Variants in LSAMP observed in about 807,000 individuals in gnomAD.
LSAMP encodes limbic system-associated membrane protein.
LSAMP carries 7 observed loss-of-function variants against 38.6 expected under a neutral mutation model. That is an observed-to-expected ratio of 0.18 (90% CI 0.10 to 0.34). The LOEUF (loss-of-function observed/expected upper bound fraction) is 0.34. LSAMP is among the 10% of genes least tolerant of loss of function. The pLI is 1.00. For missense variants in LSAMP, 313 were observed against 420.0 expected (o/e 0.75, Z 2.23); for synonymous variants, 154 against 166.8 (o/e 0.92, Z 0.59).
intron 2 of LSAMP, among the ~76,000 whole-genome samples, chr3:116,022,191 G>GT (rs1940657858): frequency 1.3e-5 from 2 of 149,704 alleles, no homozygotes; most frequent in South Asian, 2.1e-4. Context: ...ATGATGCAGT[G>GT]TTTTTTGCTT....
At chr3:116,304,475 A>G (rs2047456043) in intron 1 of LSAMP, among the ~76,000 whole-genome samples, 1 of 152,166 alleles carries the variant, frequency 6.6e-6, no homozygotes, top group South Asian at 2.1e-4. Context: ...CATGTGAGCC[A>G]GATCTGCTGA....
At chr3:116,390,118 TATG>T in intron 1 of LSAMP, among the ~76,000 whole-genome samples, 1 of 141,330 alleles carries the variant, frequency 7.1e-6, no homozygotes, top group South Asian at 2.2e-4. Context: ...TTAAATTATA[TATG>T]TATGTATGTA....
chr3:115,923,884 T>C (rs925125575), intron 3 of LSAMP, among the ~76,000 whole-genome samples: 1 of 152,216 alleles, frequency 6.6e-6, no homozygotes, highest in African/African-American at 2.4e-5. Context: ...TATAACATTG[T>C]ATTATAATAG....
intron 1 of LSAMP, among the ~76,000 whole-genome samples, chr3:116,409,799 G>C (rs369948711): frequency 6.6e-6 from 1 of 152,038 alleles, no homozygotes; most frequent in African/African-American, 2.4e-5. Context: ...GCAGACATAC[G>C]TCTAATTAAG....
intron 2 of LSAMP, among the ~76,000 whole-genome samples, chr3:116,028,126 A>C (rs1405650261): frequency 6.6e-6 from 1 of 152,196 alleles, no homozygotes; most frequent in Non-Finnish European, 1.5e-5. Context: ...GGGTTCAAAA[A>C]TCTACACAAT....
chr3:115,932,039 A>G (rs895396253), intron 3 of LSAMP, among the ~76,000 whole-genome samples: 3 of 152,228 alleles, frequency 2.0e-5, no homozygotes, highest in African/African-American at 7.2e-5. Context: ...TGAGACAGAC[A>G]TTAATGTAAA....
chr3:116,247,848 T>C (rs1173513447), intron 1 of LSAMP, among the ~76,000 whole-genome samples: 9 of 152,200 alleles, frequency 5.9e-5, no homozygotes, highest in Admixed American at 5.2e-4. Flanking sequence ...CAGGCCATAT[T>C]GACTCATCTG....
intron 1 of LSAMP, among the ~76,000 whole-genome samples, chr3:116,137,944 A>G (rs968475124): frequency 6.6e-6 from 1 of 152,160 alleles, no homozygotes; most frequent in African/African-American, 2.4e-5. Flanking sequence ...AAACTAAGAA[A>G]TATGTTCAAA....
chr3:116,419,621 T>C (rs1028492693), intron 1 of LSAMP, among the ~76,000 whole-genome samples: 2 of 152,120 alleles, frequency 1.3e-5, no homozygotes, highest in African/African-American at 4.8e-5. Flanking sequence ...AGCAGTAATC[T>C]TTTTTTAAAA....
Position 115,804,739 on chromosome 3 carries a change from GAT to G in LSAMP, c.*5576_*5577del, listed in dbSNP as rs1415182510. ...TAACAGTTGTTCATATTGTAGGAAT[GAT>G]ATATATGTCATCCTGTTACACGTGT... On this transcript the variant is annotated 3_prime_UTR_variant, in exon 7 of 7. Coordinates refer to ENST00000490035, the MANE Select transcript of LSAMP (RefSeq NM_002338.5). The G allele has an allele frequency of 2.6e-5, 4 of 152,068 alleles. No individual in the cohort carries two copies. The highest frequency in any genetic ancestry group is 7.2e-5 in the African/African-American group (3 of 41,416). 9.4% of individuals were successfully genotyped at this position (152,068 alleles called of 1,614,324 possible). A position where few individuals can be genotyped will look rare whatever the true frequency, so the allele number is the denominator to read the frequency against.
At chr3:116,154,064 A>G (rs1158485809) in intron 1 of LSAMP, among the ~76,000 whole-genome samples, 1 of 152,134 alleles carries the variant, frequency 6.6e-6, no homozygotes. Flanking sequence ...TCCTGAGCCT[A>G]TGTACCTCAT....
intron 6 of LSAMP, chr3:115,834,437 A>G: frequency 1.3e-6 from 1 of 752,704 alleles, no homozygotes; most frequent in Non-Finnish European, 2.0e-6. Context: ...GGTTTAAGGG[A>G]AAAAAATGAT....
At chr3:116,291,213 G>C (rs1284168943) in intron 1 of LSAMP, among the ~76,000 whole-genome samples, 2 of 152,092 alleles carry the variant, frequency 1.3e-5, no homozygotes, top group South Asian at 4.1e-4. Flanking sequence ...TCACATATAT[G>C]GATAGGTGAA....
chr3:116,211,104 A>AC (rs11458856), intron 1 of LSAMP, among the ~76,000 whole-genome samples: 92,814 of 151,820 alleles, frequency 0.61, 28,944 homozygotes, highest in East Asian at 0.76. Context: ...AAGACTAATA[A>AC]ACATGATCTC....
chr3:116,330,386 C>A (rs1290758321), intron 1 of LSAMP, among the ~76,000 whole-genome samples: 1 of 152,056 alleles, frequency 6.6e-6, no homozygotes, highest in Non-Finnish European at 1.5e-5. Context: ...CCTTGTCCTG[C>A]AAATATAAGG....
intron 2 of LSAMP, among the ~76,000 whole-genome samples, chr3:116,072,811 T>C (rs574956818): frequency 6.6e-6 from 1 of 151,198 alleles, no homozygotes; most frequent in South Asian, 2.1e-4. Flanking sequence ...ATTAGACCTT[T>C]GTCAAATGGA....
At chr3:116,157,553 T>C (rs1709783032) in intron 1 of LSAMP, among the ~76,000 whole-genome samples, 1 of 151,730 alleles carries the variant, frequency 6.6e-6, no homozygotes, top group Non-Finnish European at 1.5e-5. Flanking sequence ...TCAAAAAAAA[T>C]AGAGAAGAAA....
intron 3 of LSAMP, among the ~76,000 whole-genome samples, chr3:116,016,264 C>T (rs1221069911): frequency 6.6e-6 from 1 of 152,142 alleles, no homozygotes; most frequent in Non-Finnish European, 1.5e-5. Context: ...TCTCTCCTGT[C>T]ACCAGGAATA....
At chr3:115,861,413 A>G (rs1935697369) in intron 3 of LSAMP, among the ~76,000 whole-genome samples, 1 of 152,024 alleles carries the variant, frequency 6.6e-6, no homozygotes, top group African/African-American at 2.4e-5. Context: ...ATTTCAAAAA[A>G]TTGTGATCAA....
Sources: gnomAD v4.1 joint callset for allele counts (sites outside exome capture counted in the v4.1 genomes callset) on GRCh38, gnomAD v4.1.1 for gene constraint, MANE v1.5 for transcripts, NCBI Gene and HGNC (gene_info 2026-07-23, HGNC 2026-07-21) for gene names.